NFIB: variants seen among roughly 807,000 people sequenced by gnomAD.
NFIB encodes nuclear factor 1 B-type.
A neutral mutation model predicts 61.5 loss-of-function variants in NFIB; 11 were observed. The ratio of observed to expected loss-of-function variants is 0.18; its 90% CI spans 0.11 to 0.30. NFIB has a LOEUF of 0.30. Ranked by LOEUF, NFIB falls within the 10% of genes least tolerant of loss-of-function variation. NFIB has a pLI of 1.00. For synonymous variants in NFIB, 260 were observed against 216.5 expected (o/e 1.20, Z -1.76); for missense variants, 471 against 608.9 (o/e 0.77, Z 2.38).
chr9:14,524,472 T>C, the NFIB span, among the ~76,000 whole-genome samples: 1 of 152,212 alleles, frequency 6.6e-6, no homozygotes, highest in South Asian at 2.1e-4. Flanking sequence ...AAGTGTGAGT[T>C]AAAATAATAA....
chr9:14,509,306 G>A, the NFIB span, among the ~76,000 whole-genome samples: 2 of 152,184 alleles, frequency 1.3e-5, no homozygotes, highest in African/African-American at 2.4e-5. Flanking sequence ...CACATGTTCT[G>A]CAGAATATGA....
intron 1 of NFIB, among the ~76,000 whole-genome samples, chr9:14,394,229 T>C (rs1236805627): frequency 6.6e-6 from 1 of 152,180 alleles, no homozygotes; most frequent in Non-Finnish European, 1.5e-5. Flanking sequence ...CAAGTGCTAT[T>C]ATAAGGATAA....
chr9:14,351,040 G>C (rs1387746391), intron 1 of NFIB, among the ~76,000 whole-genome samples: 1 of 152,162 alleles, frequency 6.6e-6, no homozygotes, highest in Non-Finnish European at 1.5e-5. Context: ...GAGTGGCGTA[G>C]GAAATGAATC....
At chr9:14,448,858 G>C in the NFIB span, among the ~76,000 whole-genome samples, 1 of 152,094 alleles carries the variant, frequency 6.6e-6, no homozygotes, top group Admixed American at 6.5e-5. Context: ...CCAACCTCCA[G>C]CAATGTCTGC....
chr9:14,406,391 C>A, the NFIB span, among the ~76,000 whole-genome samples: 6 of 152,318 alleles, frequency 3.9e-5, no homozygotes, highest in East Asian at 1.2e-3. Context: ...AGGTAATTGT[C>A]CTTCTACTTA....
At chr9:14,419,595 G>T in the NFIB span, among the ~76,000 whole-genome samples, 1 of 152,182 alleles carries the variant, frequency 6.6e-6, no homozygotes, top group Non-Finnish European at 1.5e-5. Flanking sequence ...ACGTAGCCTT[G>T]CATGTTACGT....
At chr9:14,263,784 A>G (rs904086535) in intron 2 of NFIB, among the ~76,000 whole-genome samples, 4 of 152,252 alleles carry the variant, frequency 2.6e-5, no homozygotes, top group African/African-American at 9.6e-5. Flanking sequence ...AAAGTGGCCC[A>G]TTCAATAAAA....
At chr9:14,256,077 G>A (rs967728203) in intron 2 of NFIB, among the ~76,000 whole-genome samples, 3 of 152,178 alleles carry the variant, frequency 2.0e-5, no homozygotes, top group African/African-American at 4.8e-5. Context: ...GGGCTATTAT[G>A]AGTATAAAAA....
the NFIB span, among the ~76,000 whole-genome samples, chr9:14,458,035 G>A: frequency 7.9e-5 from 12 of 152,304 alleles, 1 homozygote; most frequent in Admixed American, 7.8e-4. Flanking sequence ...GCATCATCCT[G>A]ATACCAAAGC....
At chr9:14,220,764 C>A (rs1460771693) in intron 2 of NFIB, among the ~76,000 whole-genome samples, 1 of 151,176 alleles carries the variant, frequency 6.6e-6, no homozygotes, top group Non-Finnish European at 1.5e-5. Context: ...TCAGGAAGAA[C>A]TGCAAAGAAT....
chr9:14,285,568 A>G (rs1286737139), intron 2 of NFIB, among the ~76,000 whole-genome samples: 4 of 152,178 alleles, frequency 2.6e-5, no homozygotes, highest in Admixed American at 6.5e-5. Context: ...ACAGTTAAGA[A>G]AGAAGTCCAG....
chr9:14,399,059 A>T (rs574946490), upstream of NFIB: 56 of 204,964 alleles, frequency 2.7e-4, no homozygotes, highest in African/African-American at 1.2e-3. Flanking sequence ...CTATAAATGC[A>T]AACTATATGG....
In NFIB at chr9:14,088,122, G is replaced by T; in HGVS notation, c.*187C>A. 8 of 1,284,356 alleles carry T rather than the reference G, an allele frequency of 6.2e-6. No homozygotes were observed. Among genetic ancestry groups the T allele is most frequent in the Admixed American group, 6.0e-5 (2 of 33,098 alleles). 79.6% of individuals were successfully genotyped at this position (1,284,356 alleles called of 1,614,324 possible). ...TTCCTTTCTGCCTTTGTGTTGTTTT[G>T]TCCAGTCTTCCTCTTTTCCTTTTTT... On this transcript the variant is annotated 3_prime_UTR_variant, in exon 11 of 11. Transcript: ENST00000380953.
chr9:14,285,122 T>C (rs1236068130), intron 2 of NFIB, among the ~76,000 whole-genome samples: 1 of 152,196 alleles, frequency 6.6e-6, no homozygotes, highest in African/African-American at 2.4e-5. Context: ...CAAATGATTC[T>C]TTCCAATTTT....
intron 1 of NFIB, among the ~76,000 whole-genome samples, chr9:14,390,697 A>T (rs773275517): frequency 6.6e-6 from 1 of 152,352 alleles, no homozygotes; most frequent in South Asian, 2.1e-4. Flanking sequence ...TGCCTTTTTA[A>T]AAAAGATCCA....
chr9:14,205,039 G>C (rs1166405960), intron 2 of NFIB: 7 of 260,746 alleles, frequency 2.7e-5, no homozygotes, highest in Non-Finnish European at 5.4e-5. Context: ...CACCAAACTG[G>C]GTTAAATGTA....
the NFIB span, among the ~76,000 whole-genome samples, chr9:14,499,712 A>C: frequency 6.6e-6 from 1 of 152,156 alleles, no homozygotes; most frequent in Non-Finnish European, 1.5e-5. Flanking sequence ...CCTGAGCCTC[A>C]ATCTTTTGAG....
chr9:14,109,841 A>G (rs1265347128), intron 10 of NFIB, among the ~76,000 whole-genome samples: 1 of 152,072 alleles, frequency 6.6e-6, no homozygotes, highest in Non-Finnish European at 1.5e-5. Context: ...TTAGATTCAA[A>G]TGAGATATAT....
intron 2 of NFIB, among the ~76,000 whole-genome samples, chr9:14,295,513 C>G (rs1280186148): frequency 1.3e-5 from 2 of 152,018 alleles, no homozygotes; most frequent in African/African-American, 4.8e-5. Flanking sequence ...CGCCTGTAGT[C>G]CCAGCTACTC....
Sources: allele counts gnomAD v4.1 joint callset (sites outside exome capture counted in the v4.1 genomes callset), GRCh38; gene constraint gnomAD v4.1.1; transcripts MANE v1.5; gene names NCBI Gene and HGNC (gene_info 2026-07-23, HGNC 2026-07-21).